LRRC37B: variants seen among roughly 807,000 people sequenced by gnomAD.
LRRC37B encodes leucine-rich repeat-containing protein 37B.
In LRRC37B, 28 loss-of-function variants were observed where a neutral mutation model predicts 98.3. That is an observed-to-expected ratio of 0.28 (90% CI 0.21 to 0.39). The LOEUF is 0.39. LRRC37B is among the 10% of genes least tolerant of loss of function. LRRC37B has a pLI of 1.00. For synonymous variants in LRRC37B, 364 were observed against 442.7 expected (o/e 0.82, Z 2.23); for missense variants, 938 against 1,182.7 (o/e 0.79, Z 3.03).
chr17:32,037,575 A>G (rs1911282634), intron 7 of LRRC37B, among the ~76,000 whole-genome samples: 2 of 152,092 alleles, frequency 1.3e-5, no homozygotes, highest in Admixed American at 1.3e-4. Context: ...CCAGCCCAGC[A>G]GATTCTTATA....
chr17:32,034,304 C>A (rs1353853307), intron 5 of LRRC37B, among the ~76,000 whole-genome samples: 1 of 151,928 alleles, frequency 6.6e-6, no homozygotes, highest in Non-Finnish European at 1.5e-5. Context: ...GAGTTGGAGA[C>A]CAGCCTGTCC....
intron 1 of LRRC37B, among the ~76,000 whole-genome samples, chr17:32,009,267 C>G (rs1567845770): frequency 2.1e-5 from 3 of 146,018 alleles, no homozygotes; most frequent in African/African-American, 7.5e-5. Context: ...ATACTAAAAT[C>G]TTTTTTTTTT....
At chr17:32,014,634 C>T (rs1379329555) in intron 1 of LRRC37B, among the ~76,000 whole-genome samples, 2 of 152,140 alleles carry the variant, frequency 1.3e-5, no homozygotes, top group Non-Finnish European at 2.9e-5. Context: ...CTCTTACGCT[C>T]TTTAAAATAT....
At chr17:32,008,949 T>G (rs1207878851) in intron 1 of LRRC37B, among the ~76,000 whole-genome samples, 9 of 152,338 alleles carry the variant, frequency 5.9e-5, no homozygotes, top group Non-Finnish European at 1.0e-4. Flanking sequence ...TTGTTTCTCT[T>G]GAGTAAATAC....
intron 5 of LRRC37B, among the ~76,000 whole-genome samples, chr17:32,032,224 GC>G (rs1285402911): frequency 1.5e-4 from 22 of 150,362 alleles, no homozygotes; most frequent in Admixed American, 1.3e-4. Context: ...CCGAGATTGT[GC>G]CACTGCACTC....
In LRRC37B at chr17:32,040,718, C is replaced by T. The variant is rs1188066846; in HGVS notation, c.2205-4982C>T. On this transcript the variant is annotated intron_variant, in intron 7 of 11. Coordinates refer to ENST00000327564, the Ensembl canonical transcript of LRRC37B. ...AGGGGCTCCTGAGCGAGTGCCTGAT[C>T]CGCCACCAGAAGGAGCTGGGCAACG... is the stretch of plus-strand genomic sequence containing the variant. 19 of 787,776 alleles carry T rather than the reference C, an allele frequency of 2.4e-5. No homozygotes were observed. The South Asian group carries it at 2.4e-4, about 10-fold the overall frequency. 48.8% of individuals were successfully genotyped at this position (787,776 alleles called of 1,614,324 possible).
chr17:32,043,460 C>G (rs1241783882), intron 7 of LRRC37B, among the ~76,000 whole-genome samples: 2 of 152,126 alleles, frequency 1.3e-5, no homozygotes, highest in Non-Finnish European at 2.9e-5. Context: ...ACTCAGGAGG[C>G]TGAGGCGGGA....
rs201041859 is a variant in LRRC37B at position 32,021,103 on chromosome 17, C to T, written c.38C>T (p.Ala13Val). Residue 13 changes from alanine (A) to valine (V), a missense_variant, in exon 1 of 12, where the codon GCT (alanine) becomes GTT (valine). By Grantham distance (64) the Ala-to-Val change is moderately conservative (BLOSUM62 0). This residue lies in a region of LRRC37B where 610 missense variants were observed against 625.6 expected (regional missense o/e 0.98). Transcript: ENST00000327564. ...TATAAGGGGCATGAGCATCTCAGGG[C>T]TGCCAGAATGGCTTTTGCTGAGTGC... The T allele has an allele frequency of 2.0e-5, 33 of 1,614,050 alleles. No individual in the cohort carries two copies. In the African/African-American group the frequency reaches 2.4e-4, roughly 12 times the overall value.
intron 1 of LRRC37B, among the ~76,000 whole-genome samples, chr17:32,013,710 A>ATGTGTGTGTG (rs141872427): frequency 0.098 from 14,536 of 148,080 alleles, 862 homozygotes; most frequent in South Asian, 0.14. Context: ...ATAATTGTAT[A>ATGTGTGTGTG]TGTGTGTGTG....
At chr17:32,047,609 G>T (rs1333355864) in intron 8 of LRRC37B, 152 bp from the exon 12 acceptor site, 3 of 1,114,032 alleles carry the variant, frequency 2.7e-6, no homozygotes, top group Non-Finnish European at 3.9e-6. Context: ...CATTTCATAG[G>T]TTTAGGTTTG....
Position 32,035,545 on chromosome 17 carries a change from G to A in LRRC37B, c.2130-20G>A, listed in dbSNP as rs1181795849. Reference sequence around the variant, plus strand: ...TTTGTAATGGGTTCATATCATGAATGTTTCGGCTTTCTTCTTCAGAGACAT... The same window carrying A: ...TTTGTAATGGGTTCATATCATGAATATTTCGGCTTTCTTCTTCAGAGACAT... On this transcript the variant is annotated intron_variant, in intron 6 of 11. Coordinates refer to ENST00000327564, the Ensembl canonical transcript of LRRC37B. The A allele has an allele frequency of 9.4e-6, 15 of 1,603,960 alleles. No individual in the cohort carries two copies. Among genetic ancestry groups the A allele is most frequent in the Non-Finnish European group, 1.2e-5 (14 of 1,173,014 alleles).
chr17:32,038,630 G>T (rs1428590481), intron 7 of LRRC37B, among the ~76,000 whole-genome samples: 2 of 152,192 alleles, frequency 1.3e-5, no homozygotes, highest in Non-Finnish European at 2.9e-5. Flanking sequence ...GCCGAGGCAG[G>T]TGGATCACCT....
intron 7 of LRRC37B, among the ~76,000 whole-genome samples, chr17:32,043,683 C>T (rs1013157757): frequency 3.9e-5 from 6 of 152,160 alleles, no homozygotes; most frequent in Non-Finnish European, 5.9e-5. Flanking sequence ...CAAAGGAATA[C>T]GAGTCACTTG....
At chr17:32,033,307 G>C (rs1170721874) in intron 5 of LRRC37B, among the ~76,000 whole-genome samples, 1 of 126,868 alleles carries the variant, frequency 7.9e-6, no homozygotes, top group East Asian at 2.8e-4. Flanking sequence ...TCAAAAGAAG[G>C]AAGGAAGGAA....
chr17:32,009,114 GTT>G (rs566404975), intron 1 of LRRC37B, among the ~76,000 whole-genome samples: 2 of 147,804 alleles, frequency 1.4e-5, no homozygotes, highest in African/African-American at 5.0e-5. Flanking sequence ...GTTTTTGTTG[GTT>G]TTTTTTTTAG....
At chr17:32,042,771 C>T (rs946305343) in intron 7 of LRRC37B, 3 of 149,708 alleles carry the variant, frequency 2.0e-5, no homozygotes, top group Non-Finnish European at 4.4e-5. Context: ...GCCTTGGGCA[C>T]GGTTCAGGGC....
upstream of LRRC37B, among the ~76,000 whole-genome samples, chr17:32,017,408 T>A (rs1255559739): frequency 6.6e-6 from 1 of 152,230 alleles, no homozygotes; most frequent in Non-Finnish European, 1.5e-5. Context: ...CATTTTTGTG[T>A]CCACATTTTT....
At chr17:32,033,990 AG>A (rs1241209584) in intron 5 of LRRC37B, 3 of 152,216 alleles carry the variant, frequency 2.0e-5, no homozygotes, top group Non-Finnish European at 4.4e-5. Context: ...CTGATAGCCC[AG>A]GAGACTGACA....
upstream of LRRC37B, among the ~76,000 whole-genome samples, chr17:32,007,647 C>T (rs914526501): frequency 1.3e-5 from 2 of 151,420 alleles, no homozygotes; most frequent in African/African-American, 4.8e-5. The surrounding 1 kb of genome is among the most constrained non-coding windows in gnomAD (Gnocchi z 4.1). Flanking sequence ...CAGCCCGCGG[C>T]TCCCGCTGCG....
Sources: allele counts gnomAD v4.1 joint callset (sites outside exome capture counted in the v4.1 genomes callset), GRCh38; gene constraint gnomAD v4.1.1; regional missense constraint gnomAD v4.1.1; non-coding constraint Gnocchi (gnomAD v3.1); transcripts MANE v1.5; gene names NCBI Gene and HGNC (gene_info 2026-07-23, HGNC 2026-07-21).